The following SYT1 variants were observed in gnomAD, a reference collection of about 807,000 sequenced individuals.
SYT1 encodes the protein synaptotagmin-1.
SYT1 carries 8 observed loss-of-function variants against 44.8 expected under a neutral mutation model. That is an observed-to-expected ratio of 0.18 (90% CI 0.10 to 0.32). The LOEUF (loss-of-function observed/expected upper bound fraction) is 0.32. SYT1 is among the 10% of genes least tolerant of loss of function. The pLI is 1.00. For missense variants in SYT1, 286 were observed against 509.3 expected (o/e 0.56, Z 4.22); for synonymous variants, 154 against 188.8 (o/e 0.82, Z 1.51).
intron 1 of SYT1, among the ~76,000 whole-genome samples, chr12:78,883,576 T>G (rs1874579689): frequency 6.6e-6 from 1 of 151,644 alleles, no homozygotes; most frequent in Non-Finnish European, 1.5e-5. Flanking sequence ...ATATGGTAAT[T>G]TAAATGCTCA....
chr12:79,353,490 T>C lies in SYT1; in HGVS notation c.811-12T>C. 1.3e-6 allele frequency: 2 copies of C among 1,585,006 alleles called. No homozygotes were observed. The highest frequency in any genetic ancestry group is 1.7e-6 in the Non-Finnish European group (2 of 1,153,582). On this transcript the variant is annotated splice_polypyrimidine_tract_variant and intron_variant, in intron 8 of 10. Transcript: ENST00000261205. ...TGAAAAATTGCTAATACTTTCTTAT[T>C]GGTTTTCTTAGCAAGAGAAATTGGG...
At chr12:79,263,800 T>C (rs1592910736) in intron 4 of SYT1, among the ~76,000 whole-genome samples, 1 of 152,034 alleles carries the variant, frequency 6.6e-6, no homozygotes, top group African/African-American at 2.4e-5. Flanking sequence ...AAATTTCCAC[T>C]AATATTACAA....
intron 2 of SYT1, among the ~76,000 whole-genome samples, chr12:79,030,700 G>A (rs1434370614): frequency 6.6e-6 from 1 of 150,960 alleles, no homozygotes; most frequent in South Asian, 2.1e-4. Flanking sequence ...TAGTCTATCA[G>A]CAAAATATAA....
chr12:79,177,864 C>A (rs1271423320), intron 3 of SYT1, among the ~76,000 whole-genome samples: 4 of 92,288 alleles, frequency 4.3e-5, no homozygotes, highest in African/African-American at 1.6e-4. Context: ...AGTGTCTGTT[C>A]ATGTCCTTCG....
chr12:79,313,621 A>T (rs60413178), intron 8 of SYT1, among the ~76,000 whole-genome samples: 1,559 of 151,818 alleles, frequency 0.01, 26 homozygotes, highest in African/African-American at 0.035. Context: ...AAAAAAAACA[A>T]AATAAAAGAT....
intron 9 of SYT1, among the ~76,000 whole-genome samples, chr12:79,417,497 G>C (rs1370056168): frequency 6.6e-6 from 1 of 152,036 alleles, no homozygotes; most frequent in Non-Finnish European, 1.5e-5. Flanking sequence ...CTCCTGCCTT[G>C]ACGTTACTAC....
chr12:78,947,645 C>G (rs1878736597), intron 1 of SYT1, among the ~76,000 whole-genome samples: 1 of 151,850 alleles, frequency 6.6e-6, no homozygotes, highest in Non-Finnish European at 1.5e-5. Context: ...TACAGAAAAG[C>G]TAGAAATAGC....
chr12:78,927,491 A>G (rs1314708874), intron 1 of SYT1, among the ~76,000 whole-genome samples: 1 of 152,134 alleles, frequency 6.6e-6, no homozygotes, highest in Non-Finnish European at 1.5e-5. Context: ...GATATGTCCC[A>G]TTCTGTAATC....
intron 4 of SYT1, among the ~76,000 whole-genome samples, chr12:79,254,133 G>A (rs1877383567): frequency 6.6e-6 from 1 of 152,192 alleles, no homozygotes; most frequent in African/African-American, 2.4e-5. Flanking sequence ...TGCATTGGAA[G>A]AAGACTTTCA....
intron 1 of SYT1, among the ~76,000 whole-genome samples, chr12:78,890,781 T>A (rs537264092): frequency 7.2e-5 from 11 of 151,998 alleles, no homozygotes; most frequent in Non-Finnish European, 1.3e-4. Context: ...TCGCTATAAC[T>A]GCATTTCTGT....
At chr12:79,198,448 C>G (rs1012540264) in intron 3 of SYT1, among the ~76,000 whole-genome samples, 9 of 152,046 alleles carry the variant, frequency 5.9e-5, no homozygotes, top group African/African-American at 2.2e-4. Context: ...TGTTTCTAAG[C>G]CTTCTAAAAG....
chr12:79,125,113 G>A (rs941243737), intron 3 of SYT1, among the ~76,000 whole-genome samples: 1 of 151,950 alleles, frequency 6.6e-6, no homozygotes, highest in Non-Finnish European at 1.5e-5. Flanking sequence ...TTCTCATGAC[G>A]AATAATCCAT....
chr12:78,988,772 A>T (rs1198188742), intron 2 of SYT1, among the ~76,000 whole-genome samples: 1 of 152,102 alleles, frequency 6.6e-6, no homozygotes, highest in African/African-American at 2.4e-5. Flanking sequence ...ATGAACAGCC[A>T]TTGGAGGGTT....
At chr12:78,906,877 G>C (rs1055516620) in intron 1 of SYT1, among the ~76,000 whole-genome samples, 2 of 152,044 alleles carry the variant, frequency 1.3e-5, no homozygotes, top group East Asian at 1.9e-4. Context: ...TGTGTCAAAC[G>C]TTATGCTATA....
Position 78,876,790 on chromosome 12 carries a change from CATATA to C in SYT1, c.-217+11687_-217+11691del, listed in dbSNP as rs575214107. Among the ~76,000 whole-genome samples the C allele has an allele frequency of 6.4e-3, 198 of 30,992 alleles. 1 individual carries two copies. Among genetic ancestry groups the C allele is most frequent in the Non-Finnish European group, 9.1e-3 (163 of 17,912 alleles). The allele number at this position is 30,992 out of a possible 152,430, so 20.3% of individuals were successfully genotyped here. ...TTATATATTTATATATTATATAATA[CATATA>C]ATATATTATATGTAATACATATCAT... On this transcript the variant is annotated intron_variant, in intron 1 of 10. Coordinates refer to ENST00000261205, the MANE Select transcript of SYT1 (RefSeq NM_005639.3).
chr12:79,108,037 C>G (rs1878812227), intron 3 of SYT1, among the ~76,000 whole-genome samples: 1 of 151,726 alleles, frequency 6.6e-6, no homozygotes, highest in South Asian at 2.1e-4. Context: ...TTAACATAAT[C>G]ATAAAGTACA....
intron 8 of SYT1, among the ~76,000 whole-genome samples, chr12:79,323,347 A>G (rs1022858589): frequency 2.0e-5 from 3 of 152,238 alleles, no homozygotes; most frequent in African/African-American, 4.8e-5. Flanking sequence ...GGTTTTCCAT[A>G]TATCAGCCCT....
At chr12:79,108,683 G>T (rs1878848817) in intron 3 of SYT1, among the ~76,000 whole-genome samples, 1 of 151,902 alleles carries the variant, frequency 6.6e-6, no homozygotes, top group Non-Finnish European at 1.5e-5. Context: ...TCTATATTAA[G>T]GAAAATAAAA....
In SYT1 at chr12:79,179,127, GAT is replaced by G. The variant is rs1267977785; in HGVS notation, c.-17-38370_-17-38369del. Reference sequence around the variant, plus strand: ...ATATATAGATATAGATATAGATATAGATATATAGATATAGATATAGATATATA... The same window carrying G: ...ATATATAGATATAGATATAGATATAGATATAGATATAGATATAGATATATA... On this transcript the variant is annotated intron_variant, in intron 3 of 10. Coordinates refer to ENST00000261205, the MANE Select transcript of SYT1 (RefSeq NM_005639.3). 5.7e-4 allele frequency among the ~76,000 whole-genome samples: 47 copies of G among 83,082 alleles called. No individual in the cohort carries two copies. The East Asian group carries it at 0.011, about 20-fold the overall frequency. 54.5% of individuals were successfully genotyped at this position (83,082 alleles called of 152,430 possible). A position where few individuals can be genotyped will look rare whatever the true frequency, so the allele number is the denominator to read the frequency against.
Sources: gnomAD v4.1 joint callset for allele counts (sites outside exome capture counted in the v4.1 genomes callset) on GRCh38, gnomAD v4.1.1 for gene constraint, MANE v1.5 for transcripts, NCBI Gene and HGNC (gene_info 2026-07-23, HGNC 2026-07-21) for gene names.